The following MTSS1 variants were observed in gnomAD, a reference collection of about 807,000 sequenced individuals.
MTSS1 encodes the protein MTSS I-BAR domain containing 1, also known as protein MTSS 1.
In MTSS1, 18 loss-of-function variants were observed where a neutral mutation model predicts 79.0. The observed-to-expected ratio is 0.23, with a 90% CI of 0.16 to 0.34. The LOEUF is 0.34. MTSS1 is among the 10% of genes least tolerant of loss of function. MTSS1 has a pLI of 1.00. For missense variants in MTSS1, 815 were observed against 986.2 expected (o/e 0.83, Z 2.33); for synonymous variants, 341 against 368.6 (o/e 0.93, Z 0.86).
chr8:124,572,745 T>TTTTC (rs1408975923), intron 6 of MTSS1, among the ~76,000 whole-genome samples: 10 of 126,150 alleles, frequency 7.9e-5, no homozygotes, highest in Non-Finnish European at 1.2e-4. Context: ...TTTCTTTTCT[T>TTTTC]TTTTTTTTTT....
At chr8:124,646,350 G>A (rs1818998112) in intron 3 of MTSS1, among the ~76,000 whole-genome samples, 1 of 151,576 alleles carries the variant, frequency 6.6e-6, no homozygotes, top group South Asian at 2.1e-4. Flanking sequence ...AGCATCTCTT[G>A]GTAAATAAAT....
intron 3 of MTSS1, among the ~76,000 whole-genome samples, chr8:124,662,573 G>A (rs778309265): frequency 1.3e-4 from 20 of 152,104 alleles, no homozygotes; most frequent in South Asian, 4.1e-4. Flanking sequence ...GCCTCCTGAC[G>A]CACCCTCTGA....
At chr8:124,613,225 T>G (rs1836212177) in intron 3 of MTSS1, among the ~76,000 whole-genome samples, 2 of 152,262 alleles carry the variant, frequency 1.3e-5, no homozygotes, top group South Asian at 4.1e-4. Flanking sequence ...GTTCCAGCTC[T>G]CCCTCCAACC....
intron 5 of MTSS1, 46 bp downstream of exon 5, chr8:124,589,574 G>A (rs758055811): frequency 6.7e-7 from 1 of 1,494,294 alleles, no homozygotes; most frequent in East Asian, 2.3e-5. Context: ...ACTTCCCACA[G>A]CGCCCCCCAG....
intron 3 of MTSS1, among the ~76,000 whole-genome samples, chr8:124,638,539 C>T (rs1817450571): frequency 6.6e-6 from 1 of 152,194 alleles, no homozygotes; most frequent in African/African-American, 2.4e-5. Context: ...GATCCGTGCC[C>T]TTCGGTACAG....
At chr8:124,669,284 G>A (rs145516616) in intron 3 of MTSS1, among the ~76,000 whole-genome samples, 43 of 152,228 alleles carry the variant, frequency 2.8e-4, no homozygotes, top group Non-Finnish European at 3.5e-4. Flanking sequence ...CTGAGAAACT[G>A]TGTAGGTGTC....
intron 1 of MTSS1, among the ~76,000 whole-genome samples, chr8:124,709,111 A>G (rs1441719861): frequency 1.3e-5 from 2 of 152,210 alleles, no homozygotes; most frequent in African/African-American, 2.4e-5. Flanking sequence ...GAAGGTAACT[A>G]GAAAGATTGA....
chr8:124,706,974 C>T (rs191471513), intron 1 of MTSS1, among the ~76,000 whole-genome samples: 1 of 152,156 alleles, frequency 6.6e-6, no homozygotes, highest in Admixed American at 6.5e-5. Flanking sequence ...TCCAGAGGGA[C>T]AGCAGTTGGC....
chr8:124,658,571 C>T (rs186293079), intron 3 of MTSS1, among the ~76,000 whole-genome samples: 56 of 152,250 alleles, frequency 3.7e-4, no homozygotes, highest in South Asian at 1.7e-3. Flanking sequence ...ACAGGAAGCA[C>T]GGCAGCTTCT....
chr8:124,673,399 A>T (rs935385112), intron 3 of MTSS1: 7 of 152,146 alleles, frequency 4.6e-5, no homozygotes, highest in African/African-American at 1.7e-4. Flanking sequence ...AAAAAAAAAA[A>T]AATCACTCTT....
At position 124,582,837 on chromosome 8, in the gene MTSS1, A is replaced by G. The variant is rs991436464; in HGVS notation, c.460+2250T>C. 6.6e-6 allele frequency among the ~76,000 whole-genome samples: 1 copy of G among 152,140 alleles called. No homozygotes were observed. Among genetic ancestry groups the G allele is most frequent in the African/African-American group, 2.4e-5 (1 of 41,426 alleles). On this transcript the variant is annotated intron_variant, in intron 6 of 13. Transcript: ENST00000518547. The surrounding 1 kb of genome is among the most constrained non-coding windows in gnomAD (Gnocchi z 4.8). Reference sequence around the variant, plus strand: ...ATGACCAGATTTCTTCCAGCCCTTAAGTGAGTTGTGTTTTCTTCAGTCCAT... The same window carrying G: ...ATGACCAGATTTCTTCCAGCCCTTAGGTGAGTTGTGTTTTCTTCAGTCCAT...
chr8:124,689,517 A>G (rs866673779), intron 3 of MTSS1, among the ~76,000 whole-genome samples: 6 of 152,048 alleles, frequency 3.9e-5, no homozygotes, highest in African/African-American at 1.4e-4. Flanking sequence ...AGGCTGAGGC[A>G]GGCGGATCAC....
At chr8:124,616,058 T>C (rs1227647841) in intron 3 of MTSS1, among the ~76,000 whole-genome samples, 1 of 152,242 alleles carries the variant, frequency 6.6e-6, no homozygotes, top group East Asian at 1.9e-4. Flanking sequence ...CACACGGCTC[T>C]GGGCCACCTC....
At chr8:124,622,050 CAGAAAG>C (rs1554677991) in intron 3 of MTSS1, among the ~76,000 whole-genome samples, 8 of 109,640 alleles carry the variant, frequency 7.3e-5, no homozygotes, top group East Asian at 5.2e-4. Context: ...GTGTGAGAGA[CAGAAAG>C]AGAAAGAGAG....
In MTSS1 at chr8:124,582,847, GT is replaced by G. The variant is rs1178767382; in HGVS notation, c.460+2239del. 6.6e-6 allele frequency among the ~76,000 whole-genome samples: 1 copy of G among 152,096 alleles called. No homozygotes were observed. Among genetic ancestry groups the G allele is most frequent in the Non-Finnish European group, 1.5e-5 (1 of 68,024 alleles). On this transcript the variant is annotated intron_variant, in intron 6 of 13. Transcript: ENST00000518547. This position sits in a 1 kb window ranked among gnomAD's most constrained non-coding sequence, Gnocchi z 4.8. Reference sequence around the variant, plus strand: ...TTCTTCCAGCCCTTAAGTGAGTTGTGTTTTCTTCAGTCCATTCTCAGCCATA... The same window carrying G: ...TTCTTCCAGCCCTTAAGTGAGTTGTGTTTCTTCAGTCCATTCTCAGCCATA...
chr8:124,585,257 A>G (rs990429980), intron 5 of MTSS1, 96 bp from the exon 6 acceptor site: 3 of 847,966 alleles, frequency 3.5e-6, no homozygotes, highest in Non-Finnish European at 5.8e-6. Context: ...CAGAAAGCAT[A>G]AACTGTGACA....
chr8:124,572,810 G>T (rs1828111061), intron 6 of MTSS1, among the ~76,000 whole-genome samples: 1 of 147,680 alleles, frequency 6.8e-6, no homozygotes, highest in East Asian at 2.0e-4. Context: ...GCAGTGGCGT[G>T]ATCTCAGCTC....
At chr8:124,568,173 C>A (rs1282902003) in intron 7 of MTSS1, 2 of 695,606 alleles carry the variant, frequency 2.9e-6, no homozygotes, top group Non-Finnish European at 4.5e-6. Context: ...GACAAAGTAA[C>A]GGGGAACAAG....
chr8:124,638,439 A>G (rs1176131351), intron 3 of MTSS1, among the ~76,000 whole-genome samples: 1 of 152,216 alleles, frequency 6.6e-6, no homozygotes, highest in Non-Finnish European at 1.5e-5. Context: ...ACATCATCCT[A>G]AAATAAGCTG....
Sources: gnomAD v4.1 joint callset for allele counts (sites outside exome capture counted in the v4.1 genomes callset) on GRCh38, gnomAD v4.1.1 for gene constraint, Gnocchi (gnomAD v3.1) non-coding constraint, MANE v1.5 for transcripts, NCBI Gene and HGNC (gene_info 2026-07-23, HGNC 2026-07-21) for gene names.